Variants in CEP78 observed in about 807,000 individuals in gnomAD.
The protein encoded by CEP78 is centrosomal protein 78.
A neutral mutation model predicts 81.2 loss-of-function variants in CEP78; 76 were observed. The observed-to-expected ratio is 0.94, with a 90% CI of 0.78 to 1.13. CEP78 has a LOEUF of 1.13. Among genes scored for constraint, CEP78 ranks in the 50% most tolerant of loss-of-function variants. The pLI is 0.00. For synonymous variants in CEP78, 293 were observed against 301.4 expected (o/e 0.97, Z 0.29); for missense variants, 918 against 846.8 (o/e 1.08, Z -1.04).
intron 11 of CEP78, among the ~76,000 whole-genome samples, chr9:78,258,296 T>A (rs937214786): frequency 6.6e-6 from 1 of 152,276 alleles, no homozygotes; most frequent in Non-Finnish European, 1.5e-5. Flanking sequence ...AACACTGATC[T>A]ATCTGTCTCT....
intron 6 of CEP78, among the ~76,000 whole-genome samples, chr9:78,247,905 G>A (rs997167889): frequency 2.0e-5 from 3 of 152,204 alleles, no homozygotes; most frequent in Middle Eastern, 3.2e-3. Context: ...AAAGGAGGCT[G>A]TGGAGAAGAG....
At position 78,248,764 on chromosome 9, in the gene CEP78, C is replaced by G. The variant is rs770438715; in HGVS notation, c.960C>G (p.Tyr320Ter). The G allele has an allele frequency of 6.0e-6, 9 of 1,503,106 alleles. No homozygotes were observed. The highest frequency in any genetic ancestry group is 1.7e-4 in the Middle Eastern group (1 of 5,882). 93.1% of individuals were successfully genotyped at this position (1,503,106 alleles called of 1,614,324 possible). A position where few individuals can be genotyped will look rare whatever the true frequency, so the allele number is the denominator to read the frequency against. The change falls in exon 8 of 17, where the codon TAC becomes TAG. Residue 320 changes from tyrosine to a stop codon, truncating the protein, a stop_gained and splice_region_variant. Transcript: ENST00000643273. LOFTEE classifies it high-confidence loss of function. ...LQNGRSAKSE[Y>*]QWITSPSVKE... ...AGTGTTTATTCTGTCTCTTTTAGTA[C>G]CAGTGGATAACTTCTCCATCAGTGA...
chr9:78,238,667 C>T (rs1022336883), intron 1 of CEP78, among the ~76,000 whole-genome samples: 2 of 152,200 alleles, frequency 1.3e-5, no homozygotes, highest in African/African-American at 2.4e-5. Flanking sequence ...TTCAACACAT[C>T]TGCTTCTGAA....
chr9:78,246,295 G>T (rs1826475878), intron 5 of CEP78, among the ~76,000 whole-genome samples: 1 of 152,020 alleles, frequency 6.6e-6, no homozygotes. Context: ...GGAGTTGTCT[G>T]TATGTTAAAT....
rs1037655215 is a variant in CEP78 at position 78,273,481 on chromosome 9, C to A, written c.*2630C>A. On this transcript the variant is annotated 3_prime_UTR_variant, in exon 17 of 17. Coordinates refer to ENST00000643273, the MANE Select transcript of CEP78 (RefSeq NM_001330691.3). ...GGGCGCAGCGGCTCACGCCTGTAAT[C>A]CTAGCACTTTGGGAGGCCGAGGTGG... The A allele has an allele frequency of 2.0e-5, 3 of 152,100 alleles. No individual in the cohort carries two copies. The highest frequency in any genetic ancestry group is 4.4e-5 in the Non-Finnish European group (3 of 68,052). 9.4% of individuals were successfully genotyped at this position (152,100 alleles called of 1,614,324 possible). A position where few individuals can be genotyped will look rare whatever the true frequency, so the allele number is the denominator to read the frequency against.
chr9:78,253,344 T>C, intron 10 of CEP78, 67 bp downstream of exon 10: 1 of 793,110 alleles, frequency 1.3e-6, no homozygotes, highest in South Asian at 1.5e-5. Flanking sequence ...TCATTCTCTG[T>C]GCTCTTTAAA....
rs1024110384 is a variant in CEP78 at position 78,265,710 on chromosome 9, T to C, written c.1798-149T>C. ...TAGTAAGTTTGTGCCCATTTCCTTATATTGTATTGTTGTAAATAAAAAATA... is the reference window on the plus strand; with the variant it reads ...TAGTAAGTTTGTGCCCATTTCCTTACATTGTATTGTTGTAAATAAAAAATA... On this transcript the variant is annotated intron_variant, in intron 14 of 16. Transcript: ENST00000643273. The C allele has an allele frequency of 9.4e-6, 7 of 748,250 alleles. No homozygotes were observed. The African/African-American group carries it at 1.2e-4, about 13-fold the overall frequency. 46.4% of individuals were successfully genotyped at this position (748,250 alleles called of 1,614,324 possible). A position where few individuals can be genotyped will look rare whatever the true frequency, so the allele number is the denominator to read the frequency against.
chr9:78,270,771 A>C, intron 16 of CEP78, 70 bp from the exon 17 acceptor site: 1 of 633,756 alleles, frequency 1.6e-6, no homozygotes, highest in East Asian at 3.0e-5. Context: ...GTTTTTTGAA[A>C]AATTCTGATT....
chr9:78,277,268 G>A lies in CEP78; in HGVS notation c.*6417G>A, dbSNP rs1190297468. ...ATTCCCAACCAAGACACAAAACCCAGTAGCCATGAAAAAAAAGATAGATTT... is the reference window on the plus strand; with the variant it reads ...ATTCCCAACCAAGACACAAAACCCAATAGCCATGAAAAAAAAGATAGATTT... On this transcript the variant is annotated 3_prime_UTR_variant, in exon 17 of 17. Transcript: ENST00000643273. 1.3e-5 allele frequency: 2 copies of A among 151,754 alleles called. No individual in the cohort carries two copies. Among genetic ancestry groups the A allele is most frequent in the South Asian group, 2.1e-4 (1 of 4,784 alleles). The allele number at this position is 151,754 out of a possible 1,614,324, so 9.4% of individuals were successfully genotyped here. A position where few individuals can be genotyped will look rare whatever the true frequency, so the allele number is the denominator to read the frequency against.
In CEP78 at chr9:78,243,593, A is replaced by G; in HGVS notation, c.735A>G (p.Ala245=). 1 of 1,613,878 alleles carries G rather than the reference A, an allele frequency of 6.2e-7. No homozygotes were observed. Among genetic ancestry groups the G allele is most frequent in the East Asian group, 2.2e-5 (1 of 44,866 alleles). ...NCNTLIGDLG[A]CAFADSLSED... is the part of the protein sequence containing the mutation. ...ACACACTTATTGGTGACCTAGGTGC[A>G]TGTGCTTTTGCAGACTCTCTCAGTG... The change falls in exon 5 of 17, where the codon GCA becomes GCG. Residue 245 remains alanine (A), a synonymous_variant. Coordinates refer to ENST00000643273, the MANE Select transcript of CEP78 (RefSeq NM_001330691.3).
chr9:78,246,963 T>G (rs1826520870), intron 6 of CEP78, among the ~76,000 whole-genome samples, 181 bp downstream of exon 6: 1 of 152,264 alleles, frequency 6.6e-6, no homozygotes, highest in African/African-American at 2.4e-5. Context: ...CTTAAATTGC[T>G]CTTGGCTGCT....
At chr9:78,253,449 T>C (rs1826862026) in intron 10 of CEP78, 172 bp downstream of exon 10, 3 of 547,388 alleles carry the variant, frequency 5.5e-6, no homozygotes, top group Admixed American at 3.1e-5. Flanking sequence ...CGTGTGGATA[T>C]GTCACACAAT....
At chr9:78,268,155 T>C (rs1827608173) in intron 16 of CEP78, among the ~76,000 whole-genome samples, 1 of 152,068 alleles carries the variant, frequency 6.6e-6, no homozygotes, top group Non-Finnish European at 1.5e-5. Context: ...AAAGGCCAAC[T>C]AAAGAGACCA....
chr9:78,243,818 A>AT (rs1244883774), intron 5 of CEP78, among the ~76,000 whole-genome samples, 182 bp downstream of exon 5: 4 of 121,988 alleles, frequency 3.3e-5, no homozygotes, highest in African/African-American at 1.1e-4. Flanking sequence ...ATACCAAGTA[A>AT]CAAAAAAAAA....
At position 78,278,987 on chromosome 9, in the gene CEP78, G is replaced by GCACT. The variant is rs1827855425; in HGVS notation, c.*8136_*8137insCACT. ...CTGGCTGCTCACAAAGGCACATAGT[G>GCACT]AGTGATAGGGGCTGAAAGGGCTCAG... is the stretch of plus-strand genomic sequence containing the variant. On this transcript the variant is annotated 3_prime_UTR_variant, in exon 17 of 17. Transcript: ENST00000643273. The GCACT allele has an allele frequency of 6.6e-6, 1 of 150,494 alleles. No homozygotes were observed. The highest frequency in any genetic ancestry group is 2.5e-5 in the African/African-American group (1 of 40,708). 9.3% of individuals were successfully genotyped at this position (150,494 alleles called of 1,614,324 possible).
At chr9:78,253,503 C>G in intron 10 of CEP78, 1 of 437,938 alleles carries the variant, frequency 2.3e-6, no homozygotes, top group Non-Finnish European at 4.1e-6. Context: ...AGTCATTTCT[C>G]TGGGTCCACA....
Position 78,240,110 on chromosome 9 carries a change from G to C in CEP78, c.341G>C (p.Gly114Ala), listed in dbSNP as rs776895025. 10 of 1,585,504 alleles carry C rather than the reference G, an allele frequency of 6.3e-6. No individual in the cohort carries two copies. The highest frequency in any genetic ancestry group is 1.2e-5 in the South Asian group (1 of 85,284). ...VTFQLCKALK[G>A]CLSISSVLKN... The stretch of plus-strand genomic sequence containing the variant: ...TTCCAGTTGTGTAAAGCTCTTAAAG[G>C]CTGTTTAAGTATATCAAGTGTGCTA... The change falls in exon 2 of 17, where the codon GGC becomes GCC. Residue 114 changes from glycine to alanine, a missense_variant. Physicochemically the swap from Gly to Ala is moderately conservative, Grantham distance 60. Coordinates refer to ENST00000643273, the MANE Select transcript of CEP78 (RefSeq NM_001330691.3).
intron 13 of CEP78, 32 bp downstream of exon 13, chr9:78,264,348 C>G: frequency 6.3e-7 from 1 of 1,597,648 alleles, no homozygotes; most frequent in East Asian, 2.3e-5. Context: ...ACATTCGTCC[C>G]TCCATGACTT....
At chr9:78,246,079 A>G (rs902995488) in intron 5 of CEP78, among the ~76,000 whole-genome samples, 2 of 152,142 alleles carry the variant, frequency 1.3e-5, no homozygotes, top group African/African-American at 4.8e-5. Flanking sequence ...TTTTATGTAG[A>G]GTTATTTTTC....
Sources: gnomAD v4.1 joint callset for allele counts (sites outside exome capture counted in the v4.1 genomes callset) on GRCh38, gnomAD v4.1.1 for gene constraint, MANE v1.5 for transcripts, NCBI Gene and HGNC (gene_info 2026-07-23, HGNC 2026-07-21) for gene names.